Variants in EOGT observed in about 807,000 individuals in gnomAD.
The protein encoded by EOGT is EGF domain-specific O-linked N-acetylglucosamine transferase.
In EOGT, 55 loss-of-function variants were observed where a neutral mutation model predicts 70.5. The ratio of observed to expected loss-of-function variants is 0.78; its 90% CI spans 0.63 to 0.98. EOGT has a LOEUF of 0.98. Ranked by LOEUF, EOGT falls within the 50% of genes least tolerant of loss-of-function variation. EOGT has a pLI of 0.00. For synonymous variants in EOGT, 246 were observed against 217.1 expected (o/e 1.13, Z -1.17); for missense variants, 703 against 641.9 (o/e 1.10, Z -1.03).
At chr3:69,011,375 T>G (rs1045193583) in intron 3 of EOGT, among the ~76,000 whole-genome samples, 1 of 151,534 alleles carries the variant, frequency 6.6e-6, no homozygotes, top group Admixed American at 6.6e-5. Flanking sequence ...CCTGTAATAG[T>G]AGCACTTTGG....
intron 6 of EOGT, among the ~76,000 whole-genome samples, chr3:69,006,514 G>A (rs1422405996): frequency 6.6e-6 from 1 of 152,212 alleles, no homozygotes; most frequent in African/African-American, 2.4e-5. Context: ...TTAATCGTAA[G>A]TGCTTACAAC....
intron 13 of EOGT, chr3:68,987,986 C>T: frequency 2.6e-6 from 1 of 390,698 alleles, no homozygotes; most frequent in Non-Finnish European, 4.6e-6. Flanking sequence ...ATGATCTTGG[C>T]TCACTGCAGC....
chr3:68,987,862 C>A, intron 13 of EOGT: 1 of 356,052 alleles, frequency 2.8e-6, no homozygotes, highest in Non-Finnish European at 5.1e-6. Context: ...TATCCCTTAG[C>A]TTCTCTTTTA....
At chr3:69,005,403 C>A (rs2091415555) in intron 6 of EOGT, among the ~76,000 whole-genome samples, 169 bp from the exon 7 acceptor site, 1 of 152,154 alleles carries the variant, frequency 6.6e-6, no homozygotes, top group Non-Finnish European at 1.5e-5. Flanking sequence ...TTCTCCTTCC[C>A]AGCAGACCCT....
intron 10 of EOGT, 101 bp downstream of exon 10, chr3:68,997,910 T>C (rs1307771847): frequency 2.8e-6 from 2 of 710,574 alleles, no homozygotes; most frequent in Non-Finnish European, 4.8e-6. Context: ...CTGTACATGT[T>C]GAAATATATG....
chr3:68,979,567 A>G (rs1235941739), intron 16 of EOGT, 101 bp downstream of exon 16: 24 of 1,275,504 alleles, frequency 1.9e-5, no homozygotes, highest in Non-Finnish European at 2.5e-5. Flanking sequence ...CTCTTTTTGA[A>G]TGATTAAATA....
At chr3:69,008,745 T>A (rs1202381362) in intron 4 of EOGT, among the ~76,000 whole-genome samples, 2 of 152,198 alleles carry the variant, frequency 1.3e-5, no homozygotes, top group Non-Finnish European at 2.9e-5. Flanking sequence ...ACCATATCGG[T>A]CCCCTAACCG....
chr3:69,009,821 A>C lies in EOGT; in HGVS notation c.26T>G (p.Val9Gly). The change falls in exon 4 of 18, where the codon GTC (valine) becomes GGC (glycine). Residue 9 changes from valine (V) to glycine (G), a missense_variant. Transcript: ENST00000383701. Reference protein sequence around the residue: MLMLFVFGVLLHEVSLSGQ... With the variant: MLMLFVFGGLLHEVSLSGQ... Reference sequence around the variant, plus strand: ...ACTCAGTGAGACTTCATGAAGTAAGACTCCAAAGACAAACAACATTAACAT... The same window carrying C: ...ACTCAGTGAGACTTCATGAAGTAAGCCTCCAAAGACAAACAACATTAACAT... 6.2e-7 allele frequency: 1 copy of C among 1,613,892 alleles called. No homozygotes were observed. The highest frequency in any genetic ancestry group is 2.2e-5 in the East Asian group (1 of 44,848).
Position 69,012,710 on chromosome 3 carries a change from G to C in EOGT, c.-266C>G, listed in dbSNP as rs928308955. 1.3e-5 allele frequency: 2 copies of C among 152,286 alleles called. No individual in the cohort carries two copies. Among genetic ancestry groups the C allele is most frequent in the Non-Finnish European group, 2.9e-5 (2 of 68,158 alleles). The allele number at this position is 152,286 out of a possible 1,614,324, so 9.4% of individuals were successfully genotyped here. On this transcript the variant is annotated 5_prime_UTR_variant, in exon 2 of 18. Coordinates refer to ENST00000383701, the MANE Select transcript of EOGT (RefSeq NM_001278689.2). ...GGGTGGCTGCACTCCTCCAGCACACGGACGCTTTACTGGCCAGGCTACTTT... is the reference window on the plus strand; with the variant it reads ...GGGTGGCTGCACTCCTCCAGCACACCGACGCTTTACTGGCCAGGCTACTTT...
intron 10 of EOGT, among the ~76,000 whole-genome samples, chr3:68,990,690 TAAG>T (rs10576243): frequency 0.014 from 2,162 of 152,282 alleles, 47 homozygotes; most frequent in African/African-American, 0.05. Context: ...CTCCATTAGC[TAAG>T]AAGATCAATT....
At position 68,979,711 on chromosome 3, in the gene EOGT, T is replaced by C; in HGVS notation, c.1291A>G (p.Thr431Ala). Residue 431 changes from threonine to alanine, a missense_variant, in exon 16 of 18, where the codon ACC (threonine) becomes GCC (alanine). Thr to Ala is a moderately conservative substitution (Grantham distance 58, BLOSUM62 0). Coordinates refer to ENST00000383701, the MANE Select transcript of EOGT (RefSeq NM_001278689.2). ...CAGTCTGGAAGGAAAAGTAAATGGG[T>C]CAGACCAGCTCCATGCATTCCAATA... ...IFIGMHGAGL[T>A]HLLFLPDWAA... 1.2e-6 allele frequency: 2 copies of C among 1,613,862 alleles called. No homozygotes were observed. Among genetic ancestry groups the C allele is most frequent in the Non-Finnish European group, 1.7e-6 (2 of 1,179,880 alleles).
At chr3:69,005,094 A>AT (rs1393977293) in intron 7 of EOGT, 46 bp downstream of exon 7, 1 of 1,130,552 alleles carries the variant, frequency 8.8e-7, no homozygotes. Flanking sequence ...GGATCTGAAA[A>AT]TATTTCAGAA....
rs1239243806 is a variant in EOGT, at chr3:68,977,245, G to A, written c.*373C>T. On this transcript the variant is annotated 3_prime_UTR_variant, in exon 18 of 18. Coordinates refer to ENST00000383701, the MANE Select transcript of EOGT (RefSeq NM_001278689.2). ...GGTGGCTGAGGCAAAAGAATCGCTT[G>A]AACCTGGGGAGGCAGAAGTTGCATA... The A allele has an allele frequency of 2.8e-5, 5 of 175,480 alleles. No individual in the cohort carries two copies. Among genetic ancestry groups the A allele is most frequent in the Non-Finnish European group, 4.7e-5 (4 of 84,608 alleles). The allele number at this position is 175,480 out of a possible 1,614,324, so 10.9% of individuals were successfully genotyped here. A position where few individuals can be genotyped will look rare whatever the true frequency, so the allele number is the denominator to read the frequency against.
intron 6 of EOGT, among the ~76,000 whole-genome samples, chr3:69,006,169 A>C (rs2091435222): frequency 6.6e-6 from 1 of 152,244 alleles, no homozygotes; most frequent in South Asian, 2.1e-4. Flanking sequence ...GCCACCTTGA[A>C]AGAGGAGTGC....
intron 10 of EOGT, among the ~76,000 whole-genome samples, chr3:68,994,747 C>T (rs553941651): frequency 6.9e-4 from 105 of 152,130 alleles, no homozygotes; most frequent in Non-Finnish European, 1.3e-3. Flanking sequence ...GGCAAGATCG[C>T]GACACTGCAC....
In EOGT at chr3:68,987,452, T is replaced by C; in HGVS notation, c.1145A>G (p.Gln382Arg). 1.2e-6 allele frequency: 2 copies of C among 1,612,818 alleles called. No individual in the cohort carries two copies. The stretch of plus-strand genomic sequence containing the variant: ...TGCATACCAAAAACTAACCTCATTT[T>C]GGTTAAGGATTTTCCGGTATTCTGT... The part of the protein sequence containing the change: ...RSTEYRKILN[Q>R]NELVNALKTV... The change falls in exon 14 of 18, where the codon CAA (glutamine) becomes CGA (arginine). Residue 382 changes from glutamine to arginine, a missense_variant. Transcript: ENST00000383701.
chr3:69,008,373 A>G, intron 5 of EOGT, 55 bp downstream of exon 5: 2 of 1,250,768 alleles, frequency 1.6e-6, no homozygotes, highest in East Asian at 2.3e-5. Context: ...GGGCATCAAC[A>G]TACACTGTAT....
chr3:69,009,669 C>T lies in EOGT; in HGVS notation c.178G>A (p.Val60Ile). 6.2e-7 allele frequency: 1 copy of T among 1,613,920 alleles called. No homozygotes were observed. The highest frequency in any genetic ancestry group is 1.1e-5 in the South Asian group (1 of 91,076). ...FLHNNRHIAT[V>I]CRKDSLCPYK... ...GGACAAAGAGAGTCTTTCCTACAGACAGTGGCAATATGCCTATTGTTGTGC... is the reference window on the plus strand; with the variant it reads ...GGACAAAGAGAGTCTTTCCTACAGATAGTGGCAATATGCCTATTGTTGTGC... The change falls in exon 4 of 18, where the codon GTC becomes ATC. Residue 60 changes from valine (V) to isoleucine (I), a missense_variant. Transcript: ENST00000383701.
intron 10 of EOGT, among the ~76,000 whole-genome samples, chr3:68,993,759 A>C (rs968351830): frequency 5.3e-5 from 8 of 152,202 alleles, no homozygotes; most frequent in Admixed American, 6.5e-5. Context: ...TTACAGTTCC[A>C]CATGGCTGGG....
Sources: gnomAD v4.1 joint callset for allele counts (sites outside exome capture counted in the v4.1 genomes callset) on GRCh38, gnomAD v4.1.1 for gene constraint, MANE v1.5 for transcripts, NCBI Gene and HGNC (gene_info 2026-07-23, HGNC 2026-07-21) for gene names.